NELL1: variants seen among roughly 807,000 people sequenced by gnomAD.
The protein encoded by NELL1 is neural EGFL like 1, also known as protein kinase C-binding protein NELL1.
A neutral mutation model predicts 107.4 loss-of-function variants in NELL1; 76 were observed. That is an observed-to-expected ratio of 0.71 (90% CI 0.59 to 0.86). The LOEUF is 0.86. Ranked by LOEUF, NELL1 falls within the 40% of genes least tolerant of loss-of-function variation. The pLI, the probability that NELL1 is intolerant of heterozygous loss-of-function variation, is 0.00. For missense variants in NELL1, 1,024 were observed against 1,005.5 expected, an observed-to-expected ratio of 1.02 and a Z score of -0.25; for synonymous variants, 353 against 341.2, an observed-to-expected ratio of 1.03 and a Z score of -0.38.
At chr11:20,822,472 G>A (rs1230492132) in intron 3 of NELL1, among the ~76,000 whole-genome samples, 2 of 152,164 alleles carry the variant, frequency 1.3e-5, no homozygotes, top group Non-Finnish European at 2.9e-5. Context: ...TCGGAGACAG[G>A]AAGCCTTTTG....
intron 2 of NELL1, among the ~76,000 whole-genome samples, chr11:20,752,928 G>C (rs544458628): frequency 2.6e-5 from 4 of 152,194 alleles, no homozygotes; most frequent in Non-Finnish European, 5.9e-5. Flanking sequence ...AGGAAAAAAT[G>C]GGTGCTGTGC....
At chr11:20,997,508 A>T (rs1441207347) in intron 12 of NELL1, among the ~76,000 whole-genome samples, 1 of 152,180 alleles carries the variant, frequency 6.6e-6, no homozygotes, top group Non-Finnish European at 1.5e-5. Context: ...TATGAATATA[A>T]TTTGGAGTTT....
chr11:21,390,153 C>T (rs1442852158), intron 15 of NELL1, among the ~76,000 whole-genome samples: 1 of 151,630 alleles, frequency 6.6e-6, no homozygotes, highest in African/African-American at 2.4e-5. Flanking sequence ...GAATGACTTA[C>T]CTAGTGGAAC....
intron 2 of NELL1, among the ~76,000 whole-genome samples, chr11:20,685,672 C>A (rs1402255230): frequency 3.9e-5 from 6 of 152,070 alleles, no homozygotes; most frequent in African/African-American, 1.4e-4. Flanking sequence ...TGGTGGTGAG[C>A]TCTCGTTAAA....
At chr11:21,487,325 A>C (rs184616822) in intron 15 of NELL1, among the ~76,000 whole-genome samples, 65 of 152,298 alleles carry the variant, frequency 4.3e-4, no homozygotes, top group Non-Finnish European at 6.2e-4. Context: ...TGAAAGAATA[A>C]ACTGACAGAG....
intron 14 of NELL1, among the ~76,000 whole-genome samples, chr11:21,338,697 C>T (rs943356068): frequency 1.8e-5 from 2 of 112,234 alleles, no homozygotes; most frequent in Non-Finnish European, 3.6e-5. Context: ...ACAAACATTT[C>T]CTTTTTTTTT....
At chr11:21,046,875 T>G (rs1335654079) in intron 12 of NELL1, among the ~76,000 whole-genome samples, 1 of 151,390 alleles carries the variant, frequency 6.6e-6, no homozygotes, top group Non-Finnish European at 1.5e-5. Flanking sequence ...GCCTGGCTAA[T>G]TTTTAAACTT....
intron 3 of NELL1, among the ~76,000 whole-genome samples, chr11:20,841,666 T>C (rs1309272830): frequency 6.6e-6 from 1 of 152,104 alleles, no homozygotes; most frequent in Non-Finnish European, 1.5e-5. Flanking sequence ...CCAGAGGAAA[T>C]CTTACAGGAA....
At chr11:21,168,621 G>A (rs1856535847) in intron 13 of NELL1, among the ~76,000 whole-genome samples, 1 of 151,774 alleles carries the variant, frequency 6.6e-6, no homozygotes, top group South Asian at 2.1e-4. Context: ...ATCATTCACT[G>A]TTCATTGGGC....
At chr11:20,794,092 T>G in intron 3 of NELL1, among the ~76,000 whole-genome samples, 1 of 152,200 alleles carries the variant, frequency 6.6e-6, no homozygotes, top group African/African-American at 2.4e-5. Context: ...TCGTAGGTAT[T>G]GTAATTATCA....
At chr11:20,839,660 T>C (rs1031878328) in intron 3 of NELL1, among the ~76,000 whole-genome samples, 3 of 152,158 alleles carry the variant, frequency 2.0e-5, no homozygotes, top group African/African-American at 7.2e-5. Context: ...AAAAGAAGGC[T>C]TAGGGAAATG....
intron 12 of NELL1, among the ~76,000 whole-genome samples, chr11:21,081,253 G>A (rs1854261557): frequency 6.6e-6 from 1 of 151,970 alleles, no homozygotes; most frequent in Non-Finnish European, 1.5e-5. Flanking sequence ...TCTCTTTTCT[G>A]TGGTAACACA....
chr11:20,970,827 A>T (rs1000621498), intron 12 of NELL1, among the ~76,000 whole-genome samples: 1 of 152,042 alleles, frequency 6.6e-6, no homozygotes, highest in Non-Finnish European at 1.5e-5. Flanking sequence ...CACATATAGG[A>T]TGCTGGTATC....
At chr11:21,310,762 A>T (rs142598817) in intron 14 of NELL1, among the ~76,000 whole-genome samples, 1 of 152,126 alleles carries the variant, frequency 6.6e-6, no homozygotes, top group Non-Finnish European at 1.5e-5. Context: ...CAGCTTGTTG[A>T]TGCTATGCAG....
At chr11:21,460,919 G>A (rs908230811) in intron 15 of NELL1, among the ~76,000 whole-genome samples, 1 of 152,054 alleles carries the variant, frequency 6.6e-6, no homozygotes, top group Non-Finnish European at 1.5e-5. Context: ...ATTGTGATTG[G>A]GGTAATATAA....
chr11:21,568,660 C>T (rs1412142630), intron 17 of NELL1, among the ~76,000 whole-genome samples: 1 of 151,106 alleles, frequency 6.6e-6, no homozygotes, highest in East Asian at 2.0e-4. Context: ...TTTTTCAAAC[C>T]GGCACACAAA....
intron 2 of NELL1, among the ~76,000 whole-genome samples, chr11:20,684,015 C>T (rs913005812): frequency 3.3e-4 from 46 of 141,180 alleles, no homozygotes; most frequent in African/African-American, 1.0e-3. Context: ...TTTTTCTGTT[C>T]GTTCTTTTTT....
chr11:21,109,525 A>G (rs1315613130), intron 12 of NELL1, among the ~76,000 whole-genome samples: 1 of 152,128 alleles, frequency 6.6e-6, no homozygotes, highest in Non-Finnish European at 1.5e-5. Context: ...TGCTCAAGAT[A>G]TCTGCTTCAG....
intron 3 of NELL1, among the ~76,000 whole-genome samples, chr11:20,789,264 G>T (rs35942316): frequency 0.051 from 7,771 of 152,280 alleles, 295 homozygotes; most frequent in Non-Finnish European, 0.078. Context: ...GAGCAGCAAG[G>T]GGTGTGTGAG....
Sources: gnomAD v4.1 joint callset for allele counts (sites outside exome capture counted in the v4.1 genomes callset) on GRCh38, gnomAD v4.1.1 for gene constraint, MANE v1.5 for transcripts, NCBI Gene and HGNC (gene_info 2026-07-23, HGNC 2026-07-21) for gene names.